Variants in GPHN observed in about 807,000 individuals in gnomAD.
The protein encoded by GPHN is gephyrin.
In GPHN, 17 loss-of-function variants were observed where a neutral mutation model predicts 95.5. The ratio of observed to expected loss-of-function variants is 0.18; its 90% CI spans 0.12 to 0.27. The LOEUF is 0.27. Ranked by LOEUF, GPHN falls within the 10% of genes least tolerant of loss-of-function variation. The pLI is 1.00. For synonymous variants in GPHN, 320 were observed against 322.5 expected, an observed-to-expected ratio of 0.99 and a Z score of 0.08; for missense variants, 660 against 978.1, an observed-to-expected ratio of 0.67 and a Z score of 4.34.
the GPHN span, chr14:67,221,931 C>T: frequency 8.4e-7 from 1 of 1,196,094 alleles, no homozygotes; most frequent in Non-Finnish European, 1.2e-6. Context: ...GATGCATTTC[C>T]TTTCTTCACT....
the GPHN span, chr14:67,674,297 TG>T: frequency 7.4e-7 from 1 of 1,355,816 alleles, no homozygotes; most frequent in Non-Finnish European, 9.9e-7. Flanking sequence ...GGCCCGGGTC[TG>T]GGAGGAAGGT....
intron 17 of GPHN, among the ~76,000 whole-genome samples, chr14:67,137,249 C>A (rs925747253): frequency 5.9e-5 from 9 of 151,562 alleles, no homozygotes; most frequent in South Asian, 4.2e-4. Flanking sequence ...AGGTTCATGC[C>A]ATTCTCCTGC....
chr14:67,385,568 AT>A, the GPHN span: 1 of 152,008 alleles, frequency 6.6e-6, no homozygotes, highest in Non-Finnish European at 1.5e-5. Flanking sequence ...ATAGCTGAAA[AT>A]TAGTGATAGT....
intron 11 of GPHN, among the ~76,000 whole-genome samples, chr14:67,084,205 TTC>T (rs2076800904): frequency 1.3e-5 from 2 of 152,240 alleles, no homozygotes; most frequent in Non-Finnish European, 2.9e-5. Flanking sequence ...TTCCAACCAA[TTC>T]TCTGTTTTAT....
At chr14:66,871,302 G>A (rs937689029) in intron 4 of GPHN, among the ~76,000 whole-genome samples, 1 of 152,146 alleles carries the variant, frequency 6.6e-6, no homozygotes, top group Non-Finnish European at 1.5e-5. Flanking sequence ...TTCCCTTCAT[G>A]TCCCTGAATA....
At chr14:66,616,659 C>T (rs1177043888) in intron 1 of GPHN, among the ~76,000 whole-genome samples, 1 of 152,108 alleles carries the variant, frequency 6.6e-6, no homozygotes, top group African/African-American at 2.4e-5. Context: ...TATAGGGTGT[C>T]TGACAACCCC....
intron 1 of GPHN, among the ~76,000 whole-genome samples, chr14:66,586,824 T>C (rs976494623): frequency 1.3e-5 from 2 of 152,016 alleles, no homozygotes; most frequent in African/African-American, 4.8e-5. Flanking sequence ...TAAAACAGTC[T>C]AATGCTGAAC....
At chr14:66,666,688 G>A (rs1030767358) in intron 1 of GPHN, among the ~76,000 whole-genome samples, 3 of 152,160 alleles carry the variant, frequency 2.0e-5, no homozygotes, top group African/African-American at 7.2e-5. Flanking sequence ...CATACTGAAT[G>A]GGTAAAAGCT....
At chr14:66,577,963 G>T (rs1254570767) in intron 1 of GPHN, among the ~76,000 whole-genome samples, 1 of 151,822 alleles carries the variant, frequency 6.6e-6, no homozygotes, top group Non-Finnish European at 1.5e-5. Flanking sequence ...TTAAGACATT[G>T]CATTTGATAA....
intron 8 of GPHN, among the ~76,000 whole-genome samples, chr14:66,951,514 C>CA (rs34837551): frequency 0.027 from 1,748 of 63,660 alleles, 12 homozygotes; most frequent in African/African-American, 0.048. Context: ...AACTTCATCT[C>CA]AAAAAAAAAA....
At chr14:67,446,026 A>G in the GPHN span, 1 of 517,896 alleles carries the variant, frequency 1.9e-6, no homozygotes, top group Admixed American at 1.9e-5. Flanking sequence ...TCTTTTGTTC[A>G]TTTTAATGGC....
chr14:67,432,845 A>G, the GPHN span, among the ~76,000 whole-genome samples: 1 of 151,804 alleles, frequency 6.6e-6, no homozygotes, highest in Admixed American at 6.6e-5. Flanking sequence ...TGGTGGTCGC[A>G]TGTGGTGTTT....
At chr14:67,127,940 G>T (rs2079433893) in intron 17 of GPHN, among the ~76,000 whole-genome samples, 1 of 152,162 alleles carries the variant, frequency 6.6e-6, no homozygotes, top group Non-Finnish European at 1.5e-5. Flanking sequence ...AACACAAAAT[G>T]CCTGGAAAAG....
intron 1 of GPHN, among the ~76,000 whole-genome samples, chr14:66,662,655 A>T (rs1265957674): frequency 6.6e-6 from 1 of 152,216 alleles, no homozygotes; most frequent in Non-Finnish European, 1.5e-5. Context: ...AGACTTCGGA[A>T]TGTGGATAAA....
chr14:66,635,188 T>C (rs1184992744), intron 1 of GPHN, among the ~76,000 whole-genome samples: 2 of 152,164 alleles, frequency 1.3e-5, no homozygotes, highest in Non-Finnish European at 2.9e-5. Context: ...AGAAGTGTTA[T>C]AGGTGACCAA....
At chr14:67,301,363 G>A in the GPHN span, 4 of 1,552,432 alleles carry the variant, frequency 2.6e-6, no homozygotes, top group Middle Eastern at 1.7e-4. Flanking sequence ...AATCTAGGAA[G>A]AATAATCTTT....
rs2058373910 is a variant in GPHN at position 66,519,182 on chromosome 14, T to G, written c.64+10591T>G. Among the ~76,000 whole-genome samples the G allele has an allele frequency of 2.6e-5, 4 of 152,126 alleles. No homozygotes were observed. The South Asian group carries it at 8.3e-4, about 32-fold the overall frequency. On this transcript the variant is annotated intron_variant, in intron 1 of 22. Coordinates refer to ENST00000478722, the MANE Select transcript of GPHN (RefSeq NM_020806.5). ...AGCTCCTGAATTCTTATGTCATTCT[T>G]TTAATTAGTTAAATTTATTAAAGTA...
intron 11 of GPHN, among the ~76,000 whole-genome samples, chr14:67,080,791 G>A (rs140028425): frequency 0.019 from 2,964 of 152,060 alleles, 38 homozygotes; most frequent in Middle Eastern, 0.034. Flanking sequence ...CCCAAAGTCC[G>A]CTGTATCATT....
intron 3 of GPHN, among the ~76,000 whole-genome samples, chr14:66,786,718 A>G (rs1019509422): frequency 1.6e-4 from 25 of 152,124 alleles, no homozygotes; most frequent in Non-Finnish European, 2.9e-5. Context: ...AAACTACTTC[A>G]GTAGTAGAAA....
Sources: gnomAD v4.1 joint callset for allele counts (sites outside exome capture counted in the v4.1 genomes callset) on GRCh38, gnomAD v4.1.1 for gene constraint, MANE v1.5 for transcripts, NCBI Gene and HGNC (gene_info 2026-07-23, HGNC 2026-07-21) for gene names.